The following MAN2A1 variants were observed in gnomAD, a reference collection of about 807,000 sequenced individuals.
MAN2A1 encodes the protein mannosidase alpha class 2A member 1.
In MAN2A1, 76 loss-of-function variants were observed where a neutral mutation model predicts 142.6. That is an observed-to-expected ratio of 0.53 (90% CI 0.44 to 0.65). The LOEUF is 0.65. MAN2A1 is among the 30% of genes least tolerant of loss of function. The probability of loss-of-function intolerance (pLI) is 0.00; values close to 1 mark genes in which losing one functional copy is unlikely to be tolerated. For synonymous variants in MAN2A1, 559 were observed against 473.2 expected, an observed-to-expected ratio of 1.18 and a Z score of -2.35; for missense variants, 1,311 against 1,365.1, an observed-to-expected ratio of 0.96 and a Z score of 0.62.
intron 7 of MAN2A1, among the ~76,000 whole-genome samples, chr5:109,771,647 G>A (rs1753148176): frequency 6.6e-6 from 1 of 152,130 alleles, no homozygotes; most frequent in African/African-American, 2.4e-5. Context: ...GCTAGGGTTG[G>A]GTTAAGTAGG....
At chr5:109,703,251 T>C (rs1278182076) in intron 1 of MAN2A1, among the ~76,000 whole-genome samples, 1 of 152,278 alleles carries the variant, frequency 6.6e-6, no homozygotes, top group Admixed American at 6.5e-5. Flanking sequence ...TTATAAGATG[T>C]TGACAGAACT....
At chr5:109,736,604 A>G (rs115944610) in intron 4 of MAN2A1, among the ~76,000 whole-genome samples, 25 of 152,242 alleles carry the variant, frequency 1.6e-4, no homozygotes, top group African/African-American at 4.3e-4. Context: ...AAATAATTTT[A>G]TAGTTACTCA....
intron 1 of MAN2A1, among the ~76,000 whole-genome samples, chr5:109,697,093 A>G (rs1373657583): frequency 6.6e-6 from 1 of 152,246 alleles, no homozygotes; most frequent in Non-Finnish European, 1.5e-5. Flanking sequence ...CAGCTGAATT[A>G]CAGGTTGGCA....
intron 19 of MAN2A1, among the ~76,000 whole-genome samples, chr5:109,851,982 C>T (rs890119246): frequency 6.6e-6 from 1 of 152,060 alleles, no homozygotes; most frequent in Non-Finnish European, 1.5e-5. Context: ...CCCACCAAGA[C>T]CCACAACTCA....
At chr5:109,800,756 T>A (rs960736280) in intron 12 of MAN2A1, among the ~76,000 whole-genome samples, 56 of 152,212 alleles carry the variant, frequency 3.7e-4, no homozygotes, top group African/African-American at 1.3e-3. Context: ...TAAATGAAGA[T>A]GACTTGTTTG....
At chr5:109,863,517 T>C (rs1264241834) in intron 20 of MAN2A1, 1 of 152,224 alleles carries the variant, frequency 6.6e-6, no homozygotes, top group African/African-American at 2.4e-5. Flanking sequence ...ACTAGCGCAT[T>C]CTGCCCTACA....
intron 17 of MAN2A1, among the ~76,000 whole-genome samples, chr5:109,845,321 A>C (rs1704497810): frequency 6.6e-6 from 1 of 152,234 alleles, no homozygotes; most frequent in East Asian, 1.9e-4. Context: ...AACTATCTAC[A>C]TTGAAACTAA....
intron 15 of MAN2A1, among the ~76,000 whole-genome samples, chr5:109,822,423 C>G (rs1021870771): frequency 6.6e-5 from 10 of 151,864 alleles, no homozygotes; most frequent in African/African-American, 2.4e-4. Context: ...GCTCTAATGT[C>G]AGATAGAAAG....
chr5:109,709,250 A>G (rs892276426), intron 1 of MAN2A1, among the ~76,000 whole-genome samples: 1 of 152,208 alleles, frequency 6.6e-6, no homozygotes, highest in African/African-American at 2.4e-5. Flanking sequence ...ATATTTGACT[A>G]TGTTTTACCT....
At chr5:109,754,194 G>C (rs1752621622) in intron 4 of MAN2A1, among the ~76,000 whole-genome samples, 1 of 152,142 alleles carries the variant, frequency 6.6e-6, no homozygotes, top group African/African-American at 2.4e-5. Context: ...CTACAGGGCT[G>C]AGCCACTGTG....
chr5:109,780,360 G>T (rs371105044), intron 8 of MAN2A1, among the ~76,000 whole-genome samples: 1 of 152,172 alleles, frequency 6.6e-6, no homozygotes, highest in East Asian at 1.9e-4. Flanking sequence ...CACCCGGCCA[G>T]TTGTAAGCTT....
intron 1 of MAN2A1, among the ~76,000 whole-genome samples, chr5:109,709,614 AT>A (rs1457776139): frequency 1.3e-5 from 2 of 152,154 alleles, no homozygotes; most frequent in Admixed American, 1.3e-4. Flanking sequence ...ACATTGATTG[AT>A]TTTGTTCATA....
At chr5:109,691,225 T>G (rs900494072) in intron 1 of MAN2A1, among the ~76,000 whole-genome samples, 11 of 152,090 alleles carry the variant, frequency 7.2e-5, no homozygotes, top group African/African-American at 2.2e-4. Context: ...CTGCGTCCAG[T>G]GGTTAAATTG....
At chr5:109,759,671 T>C (rs1300512355) in intron 5 of MAN2A1, among the ~76,000 whole-genome samples, 1 of 152,200 alleles carries the variant, frequency 6.6e-6, no homozygotes, top group Non-Finnish European at 1.5e-5. Flanking sequence ...TTATGTGAAC[T>C]TTGAAAGAGT....
chr5:109,801,979 G>A (rs1754043621), intron 12 of MAN2A1, among the ~76,000 whole-genome samples: 2 of 152,050 alleles, frequency 1.3e-5, no homozygotes. Context: ...AGGACTATGT[G>A]GGCCTATGTT....
chr5:109,867,849 A>T lies in MAN2A1; in HGVS notation c.*851A>T, dbSNP rs1341835405. 6.6e-6 allele frequency: 1 copy of T among 152,114 alleles called. No homozygotes were observed. Among genetic ancestry groups the T allele is most frequent in the Non-Finnish European group, 1.5e-5 (1 of 68,010 alleles). 9.4% of individuals were successfully genotyped at this position (152,114 alleles called of 1,614,324 possible). On this transcript the variant is annotated 3_prime_UTR_variant, in exon 22 of 22. Transcript: ENST00000261483. ...AAATAAATGTGCCTTATTTTTTTAT[A>T]AGTCTTGTTAAATCAGTGTCCATAT...
Position 109,781,563 on chromosome 5 carries a change from CA to C in MAN2A1, c.1545del (p.Lys515AsnfsTer11). The C allele has an allele frequency of 6.2e-7, 1 of 1,610,674 alleles. No homozygotes were observed. Among genetic ancestry groups the C allele is most frequent in the Non-Finnish European group, 8.5e-7 (1 of 1,179,092 alleles). On this transcript the variant is annotated frameshift_variant, in exon 9 of 22. Transcript: ENST00000261483. LOFTEE classifies it high-confidence loss of function. ...GCTATTTTACATCCAGACCCTTTTA[CA>C]AACGAATGGACAGAATCATGGAATC... ...SGYFTSRPFY[K>X]RMDRIMESHL...
chr5:109,739,185 C>G (rs1257124260), intron 4 of MAN2A1, among the ~76,000 whole-genome samples: 1 of 152,014 alleles, frequency 6.6e-6, no homozygotes, highest in East Asian at 1.9e-4. Context: ...TTTCTCTTCT[C>G]TCTTAAAGCT....
Position 109,859,965 on chromosome 5 carries a change from CTT to C in MAN2A1, c.3171+4633_3171+4634del, listed in dbSNP as rs544657968. Among the ~76,000 whole-genome samples, 237 of 147,270 alleles carry C rather than the reference CTT, an allele frequency of 1.6e-3. 3 individuals carry two copies. Among genetic ancestry groups the C allele is most frequent in the Admixed American group, 2.9e-3 (42 of 14,644 alleles). On this transcript the variant is annotated intron_variant, in intron 20 of 21. Coordinates refer to ENST00000261483, the MANE Select transcript of MAN2A1 (RefSeq NM_002372.4). ...CATGATATATATATATATCTTAACT[CTT>C]TCTCTATGTAATTTATTTTGATTTG...
Sources: allele counts gnomAD v4.1 joint callset (sites outside exome capture counted in the v4.1 genomes callset), GRCh38; gene constraint gnomAD v4.1.1; transcripts MANE v1.5; gene names NCBI Gene and HGNC (gene_info 2026-07-23, HGNC 2026-07-21).